SLC4A7: variants seen among roughly 807,000 people sequenced by gnomAD.
The protein encoded by SLC4A7 is sodium bicarbonate cotransporter 3.
A neutral mutation model predicts 137.6 loss-of-function variants in SLC4A7; 51 were observed. The ratio of observed to expected loss-of-function variants is 0.37; its 90% CI spans 0.30 to 0.47. The LOEUF is 0.47. Among genes scored for constraint, SLC4A7 ranks in the 20% least tolerant of loss-of-function variants. The pLI, the probability that SLC4A7 is intolerant of heterozygous loss-of-function variation, is 1.00. For synonymous variants in SLC4A7, 542 were observed against 518.6 expected, an observed-to-expected ratio of 1.05 and a Z score of -0.61; for missense variants, 1,247 against 1,525.4, an observed-to-expected ratio of 0.82 and a Z score of 3.04.
chr3:27,441,372 A>G (rs945680543), intron 3 of SLC4A7, among the ~76,000 whole-genome samples: 2 of 152,182 alleles, frequency 1.3e-5, no homozygotes, highest in African/African-American at 4.8e-5. Flanking sequence ...GTTTTCTAGC[A>G]AAGTCTATAT....
At chr3:27,381,259 C>A (rs2050387783) in intron 24 of SLC4A7, among the ~76,000 whole-genome samples, 1 of 152,092 alleles carries the variant, frequency 6.6e-6, no homozygotes, top group Admixed American at 6.5e-5. Context: ...TTAAATTTGT[C>A]AAGGTCCATA....
chr3:27,431,471 C>T lies in SLC4A7; in HGVS notation c.977G>A (p.Ser326Asn). 1 of 1,614,016 alleles carries T rather than the reference C, an allele frequency of 6.2e-7. No individual in the cohort carries two copies. ...QNSPPSSPSI[S>N]RLTSRSSQES... ...TTGGGAACTTCTGGAGGTCAGGCGG[C>T]TGATGCTAGGGCTAGAAGGAGGACT... The change falls in exon 7 of 26, where the codon AGC (serine) becomes AAC (asparagine). Residue 326 changes from serine to asparagine, a missense_variant. Physicochemically the swap from Ser to Asn is conservative, Grantham distance 46. Transcript: ENST00000454389.
At chr3:27,432,190 A>G (rs536938341) in intron 6 of SLC4A7, among the ~76,000 whole-genome samples, 101 of 152,338 alleles carry the variant, frequency 6.6e-4, no homozygotes, top group African/African-American at 2.4e-3. Context: ...AATATTTACA[A>G]TATTAAGTCA....
chr3:27,397,314 C>T (rs1177761856), intron 18 of SLC4A7, among the ~76,000 whole-genome samples: 1 of 152,142 alleles, frequency 6.6e-6, no homozygotes, highest in East Asian at 1.9e-4. Context: ...CTGCACCTGG[C>T]CTGGGTTACT....
Position 27,389,918 on chromosome 3 carries a change from G to T in SLC4A7, c.3360+13C>A, listed in dbSNP as rs904448265. The T allele has an allele frequency of 1.2e-6, 2 of 1,604,400 alleles. No homozygotes were observed. Among genetic ancestry groups the T allele is most frequent in the Non-Finnish European group, 1.7e-6 (2 of 1,172,316 alleles). On this transcript the variant is annotated intron_variant, in intron 22 of 25. Coordinates refer to ENST00000454389, the MANE Select transcript of SLC4A7 (RefSeq NM_001321103.2). Reference sequence around the variant, plus strand: ...TATTAATTAGTGACAAAATAAGTCTGAAGAAATCTTACCATCATGGGAAAA... The same window carrying T: ...TATTAATTAGTGACAAAATAAGTCTTAAGAAATCTTACCATCATGGGAAAA...
chr3:27,417,383 G>A (rs1481406883), intron 11 of SLC4A7, among the ~76,000 whole-genome samples: 1 of 152,164 alleles, frequency 6.6e-6, no homozygotes. Context: ...ATGGGAAGTG[G>A]ATTTTTGGTG....
At chr3:27,465,404 A>C (rs2058931566) in intron 1 of SLC4A7, among the ~76,000 whole-genome samples, 1 of 151,252 alleles carries the variant, frequency 6.6e-6, no homozygotes, top group Admixed American at 6.6e-5. Flanking sequence ...AAGGTCAGCT[A>C]CCTACAGAAG....
In SLC4A7 at chr3:27,451,306, T is replaced by A. The variant is rs144039693; in HGVS notation, c.142+1111A>T. Among the ~76,000 whole-genome samples the A allele has an allele frequency of 1.6e-4, 24 of 152,196 alleles. 1 individual carries two copies. In the East Asian group the frequency reaches 4.6e-3, roughly 29 times the overall value. ...AGAAGAGTTTAACTTAAGGATGTAG[T>A]TCCTATAAACATCCCCCAAAAATGT... On this transcript the variant is annotated intron_variant, in intron 2 of 25. Transcript: ENST00000454389.
In SLC4A7 at chr3:27,415,276, G is replaced by A. The variant is rs979317690; in HGVS notation, c.1659+3210C>T. 3.9e-5 allele frequency among the ~76,000 whole-genome samples: 6 copies of A among 152,220 alleles called. No individual in the cohort carries two copies. The East Asian group carries it at 5.8e-4, about 15-fold the overall frequency. ...CTGGCAAGGTACTTCCTGACTTCAG[G>A]AACAATGCACTGATGGGACCAATCC... On this transcript the variant is annotated intron_variant, in intron 11 of 25. Transcript: ENST00000454389.
At chr3:27,398,482 G>GA (rs879423552) in intron 16 of SLC4A7, 129 bp from the exon 17 acceptor site, 34 of 697,428 alleles carry the variant, frequency 4.9e-5, no homozygotes, top group African/African-American at 7.2e-5. Flanking sequence ...TCCTTATAAA[G>GA]AAAAAACATT....
chr3:27,457,201 T>G (rs28649255), intron 1 of SLC4A7, among the ~76,000 whole-genome samples: 5,322 of 152,140 alleles, frequency 0.035, 107 homozygotes, highest in East Asian at 0.066. Flanking sequence ...AGTTACCACA[T>G]CAGGATTAAA....
At chr3:27,388,798 A>G (rs1023728560) in intron 22 of SLC4A7, among the ~76,000 whole-genome samples, 27 of 152,146 alleles carry the variant, frequency 1.8e-4, no homozygotes, top group Admixed American at 3.9e-4. Flanking sequence ...TAATAGTCCT[A>G]TATTTTTAAA....
In SLC4A7 at chr3:27,421,485, G is replaced by A. The variant is rs2054974702; in HGVS notation, c.1424+137C>T. On this transcript the variant is annotated intron_variant, in intron 9 of 25. Transcript: ENST00000454389. ...CACTCCAGCCTGGATGACAAAGTGA[G>A]ATTGTCTCAAAAATAAGATAAAATT... The A allele has an allele frequency of 1.5e-5, 11 of 751,474 alleles. No homozygotes were observed. In the Admixed American group the frequency reaches 3.4e-4, roughly 23 times the overall value. 46.6% of individuals were successfully genotyped at this position (751,474 alleles called of 1,614,324 possible).
At chr3:27,477,307 T>C (rs1478352356) in intron 1 of SLC4A7, among the ~76,000 whole-genome samples, 1 of 152,204 alleles carries the variant, frequency 6.6e-6, no homozygotes, top group African/African-American at 2.4e-5. Flanking sequence ...AGCTAACTTT[T>C]TAGAGAAAGC....
chr3:27,458,638 A>AT (rs1231695053), intron 1 of SLC4A7, among the ~76,000 whole-genome samples: 1 of 152,226 alleles, frequency 6.6e-6, no homozygotes, highest in Non-Finnish European at 1.5e-5. Flanking sequence ...TCAGTCAATG[A>AT]TTTTTTTAAA....
intron 13 of SLC4A7, among the ~76,000 whole-genome samples, chr3:27,408,187 C>T (rs1576273691): frequency 1.3e-5 from 2 of 152,294 alleles, no homozygotes; most frequent in East Asian, 3.9e-4. Context: ...ACTGGCTCTT[C>T]TTACACTTAT....
At chr3:27,379,857 T>C (rs915769931) in intron 24 of SLC4A7, among the ~76,000 whole-genome samples, 1 of 152,228 alleles carries the variant, frequency 6.6e-6, no homozygotes, top group Non-Finnish European at 1.5e-5. Flanking sequence ...CAAATCATTA[T>C]AAAGAATGCT....
At chr3:27,390,984 G>A (rs6775176) in intron 21 of SLC4A7, among the ~76,000 whole-genome samples, 27,334 of 151,962 alleles carry the variant, frequency 0.18, 2,875 homozygotes, top group Non-Finnish European at 0.25. Context: ...CACCACAGCC[G>A]GCTAATTTTT....
intron 11 of SLC4A7, among the ~76,000 whole-genome samples, chr3:27,412,520 T>G (rs1263354092): frequency 6.6e-6 from 1 of 152,196 alleles, no homozygotes; most frequent in African/African-American, 2.4e-5. Flanking sequence ...CTGGTTTACA[T>G]GCTCCATATT....
Sources: allele counts gnomAD v4.1 joint callset (sites outside exome capture counted in the v4.1 genomes callset), GRCh38; gene constraint gnomAD v4.1.1; transcripts MANE v1.5; gene names NCBI Gene and HGNC (gene_info 2026-07-23, HGNC 2026-07-21).